Variants in CTIF observed in about 807,000 individuals in gnomAD.
CTIF encodes the protein cap binding complex dependent translation initiation factor.
A neutral mutation model predicts 66.0 loss-of-function variants in CTIF; 21 were observed. That is an observed-to-expected ratio of 0.32 (90% CI 0.23 to 0.46). The LOEUF (loss-of-function observed/expected upper bound fraction) is 0.46. Ranked by LOEUF, CTIF falls within the 20% of genes least tolerant of loss-of-function variation. CTIF has a pLI of 1.00. For missense variants in CTIF, 739 were observed against 812.7 expected, an observed-to-expected ratio of 0.91 and a Z score of 1.10; for synonymous variants, 345 against 326.4, an observed-to-expected ratio of 1.06 and a Z score of -0.62.
At chr18:48,693,480 G>T (rs752666066) in intron 6 of CTIF, among the ~76,000 whole-genome samples, 25 of 152,168 alleles carry the variant, frequency 1.6e-4, no homozygotes, top group Non-Finnish European at 3.4e-4. Context: ...TGTCCCCAGG[G>T]GCTGTCACTG....
At chr18:48,764,268 C>T (rs905480242) in intron 9 of CTIF, among the ~76,000 whole-genome samples, 1 of 152,350 alleles carries the variant, frequency 6.6e-6, no homozygotes, top group Middle Eastern at 3.4e-3. Context: ...GTGTGCCAGG[C>T]ACCAGCCTGG....
At chr18:48,857,039 T>G (rs1407728453) in intron 10 of CTIF, among the ~76,000 whole-genome samples, 1 of 152,174 alleles carries the variant, frequency 6.6e-6, no homozygotes, top group African/African-American at 2.4e-5. Flanking sequence ...AGGAAACAGT[T>G]CCAGCCCCTG....
chr18:48,806,086 G>C (rs572199900), intron 9 of CTIF, among the ~76,000 whole-genome samples: 6 of 148,170 alleles, frequency 4.0e-5, no homozygotes, highest in African/African-American at 1.5e-4. Context: ...GAGGAGTCCC[G>C]GGGGCTGTGG....
At chr18:48,817,827 T>C (rs2068401647) in intron 10 of CTIF, among the ~76,000 whole-genome samples, 3 of 150,716 alleles carry the variant, frequency 2.0e-5, no homozygotes, top group African/African-American at 7.3e-5. Flanking sequence ...GCAACAGCAG[T>C]CACTTCTGCT....
Position 48,586,204 on chromosome 18 carries a change from TCACTACCGTTAG to T in CTIF, c.-28-33332_-28-33321del, listed in dbSNP as rs1245334803. ...AGCAGAAGATAGGTTGCACATGTTT[TCACTACCGTTAG>T]CGGACAGAGAGCACTTGTTTCCCCA... On this transcript the variant is annotated intron_variant, in intron 1 of 11. Coordinates refer to ENST00000256413, the MANE Select transcript of CTIF (RefSeq NM_014772.3). 2.0e-5 allele frequency among the ~76,000 whole-genome samples: 3 copies of T among 152,264 alleles called. No individual in the cohort carries two copies. The East Asian group carries it at 5.8e-4, about 29-fold the overall frequency.
intron 6 of CTIF, among the ~76,000 whole-genome samples, chr18:48,695,648 A>G (rs1032694727): frequency 6.6e-6 from 1 of 152,212 alleles, no homozygotes; most frequent in Non-Finnish European, 1.5e-5. Flanking sequence ...TCTCAGGGCT[A>G]TTGTGAGGTT....
intron 6 of CTIF, among the ~76,000 whole-genome samples, chr18:48,696,516 G>A (rs1047628215): frequency 3.9e-5 from 6 of 152,132 alleles, no homozygotes; most frequent in East Asian, 1.9e-4. Context: ...TACCGACACC[G>A]CTCTTAGTCT....
intron 6 of CTIF, among the ~76,000 whole-genome samples, chr18:48,694,463 C>T (rs933593456): frequency 4.6e-5 from 7 of 152,070 alleles, no homozygotes; most frequent in South Asian, 2.1e-4. Context: ...TCAAATTCTC[C>T]GCCATTCCTT....
intron 6 of CTIF, among the ~76,000 whole-genome samples, chr18:48,702,397 G>A (rs561647704): frequency 7.9e-5 from 12 of 152,298 alleles, no homozygotes; most frequent in African/African-American, 2.9e-4. Context: ...ACTTTTAAGG[G>A]GGTCGTGGAA....
rs1348062761 is a variant in CTIF, at chr18:48,859,825, C to T, written c.*266C>T. Reference sequence around the variant, plus strand: ...TTTTTCCTGGTGGCCCTGGCCCTCCCCTTCCTCACTCCCGCCTCTCCCCTC... The same window carrying T: ...TTTTTCCTGGTGGCCCTGGCCCTCCTCTTCCTCACTCCCGCCTCTCCCCTC... On this transcript the variant is annotated 3_prime_UTR_variant, in exon 12 of 12. Transcript: ENST00000256413. 1.6e-6 allele frequency: 1 copy of T among 636,006 alleles called. No individual in the cohort carries two copies. The highest frequency in any genetic ancestry group is 2.9e-6 in the Non-Finnish European group (1 of 342,026). 39.4% of individuals were successfully genotyped at this position (636,006 alleles called of 1,614,324 possible). A position where few individuals can be genotyped will look rare whatever the true frequency, so the allele number is the denominator to read the frequency against.
chr18:48,827,477 G>A (rs974185895), intron 10 of CTIF, among the ~76,000 whole-genome samples: 2 of 152,158 alleles, frequency 1.3e-5, no homozygotes, highest in African/African-American at 4.8e-5. Flanking sequence ...AGGGCATCCC[G>A]GCAGAGAGCA....
intron 6 of CTIF, among the ~76,000 whole-genome samples, chr18:48,672,445 A>G (rs1178450270): frequency 1.3e-5 from 2 of 152,178 alleles, no homozygotes; most frequent in African/African-American, 4.8e-5. Context: ...AGTGACCACC[A>G]AAAACATCCT....
intron 6 of CTIF, among the ~76,000 whole-genome samples, chr18:48,677,718 T>C (rs17831184): frequency 0.19 from 28,722 of 152,108 alleles, 3,069 homozygotes; most frequent in Non-Finnish European, 0.24. Context: ...GTCGCATGTT[T>C]GCTTTATTTC....
intron 10 of CTIF, among the ~76,000 whole-genome samples, chr18:48,848,280 C>T (rs1475448476): frequency 6.6e-6 from 1 of 152,208 alleles, no homozygotes; most frequent in African/African-American, 2.4e-5. Flanking sequence ...GCTCATCCAC[C>T]GGCCCAGCCA....
chr18:48,572,099 T>TCCTCCTTCC (rs1487677586), intron 1 of CTIF, among the ~76,000 whole-genome samples: 1 of 151,934 alleles, frequency 6.6e-6, no homozygotes. Context: ...CTCCTCCTTC[T>TCCTCCTTCC]CCTCCTTCCC....
intron 7 of CTIF, among the ~76,000 whole-genome samples, chr18:48,739,750 G>A (rs12955570): frequency 0.098 from 14,991 of 152,262 alleles, 846 homozygotes; most frequent in Non-Finnish European, 0.12. Context: ...TCTGTCATAC[G>A]TTGTGGTTTC....
At chr18:48,602,287 T>G (rs1416046344) in intron 1 of CTIF, among the ~76,000 whole-genome samples, 1 of 152,194 alleles carries the variant, frequency 6.6e-6, no homozygotes, top group East Asian at 1.9e-4. Flanking sequence ...GCAAATATTG[T>G]TGGAGGAAAG....
rs147088097 is a variant in CTIF, at chr18:48,737,980, A to G, written c.585-19939A>G. 5.1e-3 allele frequency among the ~76,000 whole-genome samples: 774 copies of G among 152,368 alleles called. 1 individual carries two copies. Among genetic ancestry groups the G allele is most frequent in the Middle Eastern group, 0.044 (13 of 294 alleles). Reference sequence around the variant, plus strand: ...CAGAGGGTCCCCCAGCCTTCTCAACATCCCACGGTGGGGTGTCTAATACAC... The same window carrying G: ...CAGAGGGTCCCCCAGCCTTCTCAACGTCCCACGGTGGGGTGTCTAATACAC... On this transcript the variant is annotated intron_variant, in intron 7 of 11. Transcript: ENST00000256413.
At chr18:48,815,981 T>G (rs2068355344) in intron 9 of CTIF, among the ~76,000 whole-genome samples, 3 of 152,204 alleles carry the variant, frequency 2.0e-5, no homozygotes, top group Admixed American at 2.0e-4. Flanking sequence ...CAATGTCTCT[T>G]GTGTCACTCC....
Sources: allele counts gnomAD v4.1 joint callset (sites outside exome capture counted in the v4.1 genomes callset), GRCh38; gene constraint gnomAD v4.1.1; transcripts MANE v1.5; gene names NCBI Gene and HGNC (gene_info 2026-07-23, HGNC 2026-07-21).